The following SLC7A2 variants were observed in gnomAD, a reference collection of about 807,000 sequenced individuals.
SLC7A2 encodes cationic amino acid transporter 2.
SLC7A2 carries 48 observed loss-of-function variants against 58.9 expected under a neutral mutation model. The ratio of observed to expected loss-of-function variants is 0.82; its 90% CI spans 0.65 to 1.04. SLC7A2 has a LOEUF of 1.04. SLC7A2 is among the 50% of genes least tolerant of loss of function. The probability of loss-of-function intolerance (pLI) is 0.00; values close to 1 mark genes in which losing one functional copy is unlikely to be tolerated. For synonymous variants in SLC7A2, 363 were observed against 314.5 expected (o/e 1.15, Z -1.63); for missense variants, 1,029 against 818.8 (o/e 1.26, Z -3.13).
Position 17,525,280 on chromosome 8 carries a change from G to A in SLC7A2, c.-22-18038G>A, listed in dbSNP as rs150160555. On this transcript the variant is annotated intron_variant, in intron 2 of 12. Transcript: ENST00000494857. ...CTTATTTTTAAAAAAGGGGATAACC[G>A]TGATCAGATGGATATGCTAATTTGC... Among the ~76,000 whole-genome samples, 728 of 152,176 alleles carry A rather than the reference G, an allele frequency of 4.8e-3. 9 individuals carry two copies. Among genetic ancestry groups the A allele is most frequent in the African/African-American group, 0.016 (668 of 41,524 alleles).
upstream of SLC7A2, among the ~76,000 whole-genome samples, chr8:17,494,591 A>AAG (rs1411627321): frequency 3.9e-5 from 6 of 152,222 alleles, no homozygotes; most frequent in Non-Finnish European, 7.3e-5. Context: ...AAAAGAGCTT[A>AAG]ACCTGTTTCA....
intron 2 of SLC7A2, 87 bp downstream of exon 2, chr8:17,502,389 C>T (rs768473058): frequency 2.0e-5 from 3 of 152,048 alleles, no homozygotes; most frequent in Non-Finnish European, 4.4e-5. Flanking sequence ...AAGATTTGTG[C>T]CTATTCCATA....
intron 2 of SLC7A2, among the ~76,000 whole-genome samples, chr8:17,542,587 G>T (rs2150736636): frequency 6.6e-6 from 1 of 151,870 alleles, no homozygotes; most frequent in East Asian, 1.9e-4. Context: ...GGAAGTTGAG[G>T]CTTCAGTGAG....
intron 2 of SLC7A2, among the ~76,000 whole-genome samples, chr8:17,511,867 A>G (rs11203868): frequency 0.51 from 77,887 of 151,992 alleles, 21,894 homozygotes; most frequent in Non-Finnish European, 0.63. Context: ...ACCAAAATTT[A>G]TGTTCTTTCT....
rs1404847981 is a variant in SLC7A2, at chr8:17,503,349, TG to T, written c.-23+1048del. Among the ~76,000 whole-genome samples, 11 of 152,224 alleles carry T rather than the reference TG, an allele frequency of 7.2e-5. No individual in the cohort carries two copies. In the East Asian group the frequency reaches 1.7e-3, roughly 24 times the overall value. ...ACAGGTGTGAGCCACCGCGCCCGGC[TG>T]AAAACATCTTTATTGAAAAAAATTT... On this transcript the variant is annotated intron_variant, in intron 2 of 12. Transcript: ENST00000494857.
intron 10 of SLC7A2, among the ~76,000 whole-genome samples, chr8:17,560,740 A>G (rs1270617622): frequency 6.6e-6 from 1 of 152,216 alleles, no homozygotes; most frequent in African/African-American, 2.4e-5. Context: ...ATTGAACAAA[A>G]GAGGAAGGAA....
chr8:17,533,436 T>G (rs1313438614), intron 2 of SLC7A2, among the ~76,000 whole-genome samples: 2 of 152,196 alleles, frequency 1.3e-5, no homozygotes, highest in Non-Finnish European at 2.9e-5. Context: ...CTGGTTAAAT[T>G]CCACTTCTGC....
At chr8:17,563,367 C>G (rs372461134) in intron 11 of SLC7A2, among the ~76,000 whole-genome samples, 41 of 152,116 alleles carry the variant, frequency 2.7e-4, no homozygotes, top group South Asian at 1.5e-3. Context: ...ATCCTAAAAC[C>G]AATATTATTT....
chr8:17,505,411 T>C (rs1800325132), intron 2 of SLC7A2, among the ~76,000 whole-genome samples: 2 of 151,942 alleles, frequency 1.3e-5, no homozygotes, highest in Non-Finnish European at 2.9e-5. Flanking sequence ...GGCCCAGAGG[T>C]AGATGTGGCA....
chr8:17,513,273 C>A (rs566194128), intron 2 of SLC7A2, among the ~76,000 whole-genome samples: 1 of 152,242 alleles, frequency 6.6e-6, no homozygotes, highest in African/African-American at 2.4e-5. Context: ...TTACCGTGGA[C>A]ACAAGGATCC....
intron 2 of SLC7A2, among the ~76,000 whole-genome samples, chr8:17,517,859 T>C (rs932355535): frequency 6.6e-6 from 1 of 152,144 alleles, no homozygotes; most frequent in Non-Finnish European, 1.5e-5. Context: ...AGCATTCTGT[T>C]TCTCACTGCT....
At chr8:17,511,211 C>G (rs1390063526) in intron 2 of SLC7A2, 1 of 152,092 alleles carries the variant, frequency 6.6e-6, no homozygotes, top group Non-Finnish European at 1.5e-5. Context: ...ACACGTATAC[C>G]TACGTAGCAA....
At chr8:17,526,492 C>T (rs1801228200) in intron 2 of SLC7A2, among the ~76,000 whole-genome samples, 1 of 152,114 alleles carries the variant, frequency 6.6e-6, no homozygotes, top group Non-Finnish European at 1.5e-5. Flanking sequence ...GAGAACCTCA[C>T]TGTTAAAACT....
chr8:17,546,124 A>T (rs1802162009), intron 4 of SLC7A2, among the ~76,000 whole-genome samples: 1 of 152,094 alleles, frequency 6.6e-6, no homozygotes, highest in African/African-American at 2.4e-5. Flanking sequence ...AGAAATAGAA[A>T]CCAGTCTAGC....
rs1803406984 is a variant in SLC7A2 at position 17,569,259 on chromosome 8, A to T, written c.*4113A>T. 1 of 152,164 alleles carries T rather than the reference A, an allele frequency of 6.6e-6. No individual in the cohort carries two copies. Among genetic ancestry groups the T allele is most frequent in the Non-Finnish European group, 1.5e-5 (1 of 68,030 alleles). The allele number at this position is 152,164 out of a possible 1,614,324, so 9.4% of individuals were successfully genotyped here. On this transcript the variant is annotated 3_prime_UTR_variant, in exon 13 of 13. Transcript: ENST00000494857. ...CTTCAAGCAACTGTTACCACAAAAAATACAGTTTCCGCAGGGCTTTAAAGG... is the reference window on the plus strand; with the variant it reads ...CTTCAAGCAACTGTTACCACAAAAATTACAGTTTCCGCAGGGCTTTAAAGG...
intron 4 of SLC7A2, among the ~76,000 whole-genome samples, chr8:17,547,726 A>G (rs1222118945): frequency 1.3e-5 from 2 of 152,056 alleles, no homozygotes; most frequent in Admixed American, 6.6e-5. Context: ...TAGTACCTCA[A>G]TATAGTCGAA....
intron 2 of SLC7A2, among the ~76,000 whole-genome samples, chr8:17,540,921 A>G (rs992860369): frequency 2.0e-5 from 3 of 152,144 alleles, no homozygotes; most frequent in Non-Finnish European, 2.9e-5. Flanking sequence ...CGTAGAATTT[A>G]TATCTTTTTC....
intron 3 of SLC7A2, 45 bp from the exon 4 acceptor site, chr8:17,544,406 A>C: frequency 6.3e-7 from 1 of 1,577,202 alleles, no homozygotes; most frequent in Non-Finnish European, 8.7e-7. Flanking sequence ...ATGCTACTTT[A>C]ATTTGCCCCC....
At chr8:17,506,153 C>G (rs1379729595) in intron 2 of SLC7A2, among the ~76,000 whole-genome samples, 1 of 152,164 alleles carries the variant, frequency 6.6e-6, no homozygotes, top group East Asian at 1.9e-4. Flanking sequence ...TACAATTCAT[C>G]AAGAACATAG....
Sources: gnomAD v4.1 joint callset for allele counts (sites outside exome capture counted in the v4.1 genomes callset) on GRCh38, gnomAD v4.1.1 for gene constraint, MANE v1.5 for transcripts, NCBI Gene and HGNC (gene_info 2026-07-23, HGNC 2026-07-21) for gene names.